The following RP2 variants were observed in gnomAD, a reference collection of about 807,000 sequenced individuals.
The protein encoded by RP2 is protein XRP2.
RP2 carries 3 observed loss-of-function variants against 20.3 expected under a neutral mutation model. The ratio of observed to expected loss-of-function variants is 0.15; its 90% confidence interval spans 0.07 to 0.38. The LOEUF is 0.38. Among genes scored for constraint, RP2 ranks in the 10% least tolerant of loss-of-function variants. RP2 has a pLI of 1.00. For synonymous variants in RP2, 75 were observed against 94.8 expected (o/e 0.79, Z 1.22); for missense variants, 233 against 268.5 (o/e 0.87, Z 0.92).
intron 1 of RP2, among the ~76,000 whole-genome samples, chrX:46,849,792 T>C (rs1467719807): frequency 8.9e-6 from 1 of 111,942 alleles, no homozygotes; most frequent in East Asian, 2.8e-4. Flanking sequence ...GCAGCTGTTA[T>C]GGACTGAATG....
intron 3 of RP2, among the ~76,000 whole-genome samples, chrX:46,869,606 C>CTTT (rs1196606271): frequency 1.8e-5 from 1 of 54,461 alleles, no homozygotes; most frequent in African/African-American, 6.9e-5. Context: ...TTCATACATA[C>CTTT]TTTTTTTTTT....
chrX:46,850,968 C>T (rs889975033), intron 1 of RP2, among the ~76,000 whole-genome samples: 1 of 111,406 alleles, frequency 9.0e-6, no homozygotes, highest in Non-Finnish European at 1.9e-5. Flanking sequence ...TTATAGGGGA[C>T]AAAATTGGGA....
rs1925478473 is a variant in RP2 at position 46,881,955 on chromosome X, T to C, written c.*2186T>C. On this transcript the variant is annotated 3_prime_UTR_variant, in exon 5 of 5. Transcript: ENST00000218340. ...AATTTAAAAATTTCCACTACACTTA[T>C]TATCTATTAACCAAAGCTTAAAATT... The C allele has an allele frequency of 2.7e-5, 3 of 112,361 alleles. No homozygotes were observed. The East Asian group carries it at 8.3e-4, about 31-fold the overall frequency. 9.3% of individuals were successfully genotyped at this position (112,361 alleles called of 1,213,427 possible).
chrX:46,847,744 A>G (rs9779003), intron 1 of RP2, among the ~76,000 whole-genome samples: 2,138 of 81,481 alleles, frequency 0.026, 75 homozygotes, highest in African/African-American at 0.097. Context: ...ATACACACAT[A>G]TGTGTGTGTG....
intron 1 of RP2, among the ~76,000 whole-genome samples, chrX:46,840,747 A>G (rs1924605506): frequency 8.9e-6 from 1 of 111,970 alleles, no homozygotes; most frequent in Non-Finnish European, 1.9e-5. Context: ...GTGATACGGA[A>G]AAGTAGTTTT....
chrX:46,849,899 A>G (rs1924830060), intron 1 of RP2, among the ~76,000 whole-genome samples: 1 of 111,670 alleles, frequency 9.0e-6, no homozygotes, highest in South Asian at 3.7e-4. Context: ...GTGAGGTCAT[A>G]AAGGTAGAGT....
At chrX:46,848,712 A>ATT (rs1260938459) in intron 1 of RP2, among the ~76,000 whole-genome samples, 6 of 109,059 alleles carry the variant, frequency 5.5e-5, no homozygotes, top group African/African-American at 2.0e-4. Context: ...AAGTATATCC[A>ATT]TTACCTTTTA....
At chrX:46,837,992 A>C (rs1369285468) in intron 1 of RP2, among the ~76,000 whole-genome samples, 1 of 112,341 alleles carries the variant, frequency 8.9e-6, no homozygotes, top group East Asian at 2.8e-4. Context: ...TCGGTCATAC[A>C]TTTCATAATA....
chrX:46,881,240 G>T lies in RP2; in HGVS notation c.*1471G>T, dbSNP rs1197634644. ...GTAATATTGAGCGCTCACCCTGTGC[G>T]TGGCCTTGTGCTAACCATTAGCACT... On this transcript the variant is annotated 3_prime_UTR_variant, in exon 5 of 5. Transcript: ENST00000218340. The T allele has an allele frequency of 1.8e-5, 2 of 111,185 alleles. No individual in the cohort carries two copies. The highest frequency in any genetic ancestry group is 3.8e-5 in the Non-Finnish European group (2 of 53,011). 9.2% of individuals were successfully genotyped at this position (111,185 alleles called of 1,213,427 possible). A position where few individuals can be genotyped will look rare whatever the true frequency, so the allele number is the denominator to read the frequency against.
intron 3 of RP2, among the ~76,000 whole-genome samples, chrX:46,869,743 G>A (rs2147086830): frequency 9.5e-6 from 1 of 105,179 alleles, no homozygotes; most frequent in African/African-American, 3.5e-5. Flanking sequence ...CTGAGTAGCT[G>A]AGATTACAGG....
At chrX:46,848,356 G>A (rs1025362516) in intron 1 of RP2, among the ~76,000 whole-genome samples, 1 of 107,502 alleles carries the variant, frequency 9.3e-6, no homozygotes, top group Non-Finnish European at 1.9e-5. Flanking sequence ...GATATCAGAC[G>A]AATTACAACT....
At chrX:46,847,822 G>GTATATGTGTA (rs1220338569) in intron 1 of RP2, among the ~76,000 whole-genome samples, 2 of 91,641 alleles carry the variant, frequency 2.2e-5, no homozygotes, top group Non-Finnish European at 4.2e-5. Flanking sequence ...ACATATATGT[G>GTATATGTGTA]TATATGTGTA....
intron 3 of RP2, among the ~76,000 whole-genome samples, chrX:46,860,881 T>C (rs1925050005): frequency 1.8e-5 from 2 of 112,150 alleles, no homozygotes; most frequent in African/African-American, 6.5e-5. Flanking sequence ...AAAAATATTA[T>C]AATAAACTGC....
intron 2 of RP2, 41 bp from the exon 3 acceptor site, chrX:46,859,944 TCAG>T (rs1925034717): frequency 1.1e-6 from 1 of 922,568 alleles, no homozygotes; most frequent in African/African-American, 1.9e-5. Context: ...TGTTTTAGTC[TCAG>T]AAGTTCATTT....
chrX:46,866,652 T>G (rs1444515258), intron 3 of RP2, among the ~76,000 whole-genome samples: 1 of 112,139 alleles, frequency 8.9e-6, no homozygotes, highest in Non-Finnish European at 1.9e-5. Context: ...CAAAACAGTT[T>G]TCCAAAGTCC....
intron 3 of RP2, among the ~76,000 whole-genome samples, chrX:46,869,537 C>T (rs1925246559): frequency 9.6e-6 from 1 of 103,793 alleles, no homozygotes; most frequent in African/African-American, 3.5e-5. Context: ...CCACCTCGGC[C>T]TCCCAAAGCG....
At chrX:46,846,502 G>A (rs782061726) in intron 1 of RP2, among the ~76,000 whole-genome samples, 1 of 110,390 alleles carries the variant, frequency 9.1e-6, no homozygotes, top group South Asian at 3.9e-4. Flanking sequence ...CAGGAGGATT[G>A]CTTGAGCCCA....
rs782145212 is a variant in RP2 at position 46,879,538 on chromosome X, TC to T, written c.970-147del. ...TGTATTACATGAATTCTAAAGAAAA[TC>T]TACAGATTAAATATTGTCATTATAA... is the stretch of plus-strand genomic sequence containing the variant. On this transcript the variant is annotated intron_variant, in intron 4 of 4. Transcript: ENST00000218340. 3.5e-4 allele frequency: 144 copies of T among 413,816 alleles called. No individual in the cohort carries two copies. The East Asian group carries it at 5.6e-3, about 16-fold the overall frequency. 34.1% of individuals were successfully genotyped at this position (413,816 alleles called of 1,213,427 possible).
At chrX:46,857,288 G>A (rs909347203) in intron 2 of RP2, among the ~76,000 whole-genome samples, 1 of 112,127 alleles carries the variant, frequency 8.9e-6, no homozygotes, top group Non-Finnish European at 1.9e-5. Flanking sequence ...CCAGCCGGGC[G>A]CAGTGGCTCA....
Sources: allele counts gnomAD v4.1 joint callset (sites outside exome capture counted in the v4.1 genomes callset), GRCh38; gene constraint gnomAD v4.1.1; transcripts MANE v1.5; gene names NCBI Gene and HGNC (gene_info 2026-07-23, HGNC 2026-07-21).